ATXN7L1: variants seen among roughly 807,000 people sequenced by gnomAD.
ATXN7L1 encodes ataxin-7-like protein 1.
A neutral mutation model predicts 70.8 loss-of-function variants in ATXN7L1; 15 were observed. The ratio of observed to expected loss-of-function variants is 0.21; its 90% confidence interval spans 0.14 to 0.33. ATXN7L1 has a LOEUF of 0.33. ATXN7L1 is among the 10% of genes least tolerant of loss of function. The pLI, the probability that ATXN7L1 is intolerant of heterozygous loss-of-function variation, is 1.00. For synonymous variants in ATXN7L1, 440 were observed against 445.1 expected (o/e 0.99, Z 0.14); for missense variants, 975 against 1,097.1 (o/e 0.89, Z 1.57).
intron 3 of ATXN7L1, among the ~76,000 whole-genome samples, chr7:105,719,217 A>ATCC (rs1278543311): frequency 2.0e-5 from 3 of 152,114 alleles, no homozygotes; most frequent in African/African-American, 7.2e-5. Flanking sequence ...CTCAGCGCCC[A>ATCC]TCCCCCTTCT....
chr7:105,715,672 T>C (rs1295283818), intron 3 of ATXN7L1, among the ~76,000 whole-genome samples: 2 of 152,222 alleles, frequency 1.3e-5, no homozygotes, highest in African/African-American at 2.4e-5. Context: ...GAAATTCACA[T>C]TTAAGCAATG....
chr7:105,758,545 A>T (rs1800092671), intron 3 of ATXN7L1, among the ~76,000 whole-genome samples: 1 of 152,230 alleles, frequency 6.6e-6, no homozygotes, highest in Non-Finnish European at 1.5e-5. Flanking sequence ...CTCCTTTGGT[A>T]GCCAGTGGAG....
chr7:105,787,352 C>G (rs1256574832), intron 3 of ATXN7L1, among the ~76,000 whole-genome samples: 1 of 152,166 alleles, frequency 6.6e-6, no homozygotes, highest in Non-Finnish European at 1.5e-5. Context: ...TCTGACCAAA[C>G]CTCCTCCTAT....
chr7:105,730,112 G>A (rs1476113126), intron 3 of ATXN7L1, among the ~76,000 whole-genome samples: 1 of 152,144 alleles, frequency 6.6e-6, no homozygotes, highest in Non-Finnish European at 1.5e-5. Flanking sequence ...AGCAGGGCAG[G>A]AGAGGCTGTG....
At chr7:105,764,064 G>T (rs1169246912) in intron 3 of ATXN7L1, among the ~76,000 whole-genome samples, 1 of 151,946 alleles carries the variant, frequency 6.6e-6, no homozygotes. Flanking sequence ...ATGTTGGCCA[G>T]GCTGGTCTTG....
At chr7:105,871,450 G>T (rs1393327194) in intron 2 of ATXN7L1, among the ~76,000 whole-genome samples, 1 of 152,168 alleles carries the variant, frequency 6.6e-6, no homozygotes, top group African/African-American at 2.4e-5. Context: ...AGTGGCTCAT[G>T]CCTGTAATCC....
At chr7:105,710,850 C>T (rs761612696) in intron 3 of ATXN7L1, among the ~76,000 whole-genome samples, 4 of 152,058 alleles carry the variant, frequency 2.6e-5, no homozygotes, top group African/African-American at 4.8e-5. Context: ...AAGACATACC[C>T]GAGACTGGGC....
intron 3 of ATXN7L1, among the ~76,000 whole-genome samples, chr7:105,671,980 T>C (rs1803806686): frequency 6.6e-6 from 1 of 151,768 alleles, no homozygotes; most frequent in South Asian, 2.1e-4. Flanking sequence ...TAGCATTTCA[T>C]TCTTACAATA....
intron 7 of ATXN7L1, among the ~76,000 whole-genome samples, chr7:105,626,705 C>T (rs776628925): frequency 7.2e-5 from 11 of 152,142 alleles, no homozygotes; most frequent in Non-Finnish European, 1.2e-4. Flanking sequence ...ACACTATTGT[C>T]TGCTTACCGC....
intron 2 of ATXN7L1, among the ~76,000 whole-genome samples, chr7:105,832,223 C>G (rs888101311): frequency 1.3e-5 from 2 of 151,986 alleles, no homozygotes; most frequent in African/African-American, 4.8e-5. Flanking sequence ...CAGAAAAGAA[C>G]AGTGAAAAAT....
At chr7:105,812,893 T>C (rs1159508736) in intron 2 of ATXN7L1, among the ~76,000 whole-genome samples, 1 of 152,154 alleles carries the variant, frequency 6.6e-6, no homozygotes, top group African/African-American at 2.4e-5. Context: ...TCCTAGCTAC[T>C]TGGGAGGCTG....
intron 2 of ATXN7L1, among the ~76,000 whole-genome samples, chr7:105,871,156 C>T (rs941816999): frequency 1.4e-5 from 2 of 144,194 alleles, no homozygotes; most frequent in Non-Finnish European, 3.0e-5. Context: ...AAGGAAGGTA[C>T]ATTCAATAGA....
At chr7:105,617,925 C>A (rs907193025) in intron 9 of ATXN7L1, 1 of 456,640 alleles carries the variant, frequency 2.2e-6, no homozygotes, top group Non-Finnish European at 4.4e-6. Context: ...CCTCCAGGTT[C>A]GGGCCCGCCG....
At chr7:105,761,281 C>A in intron 3 of ATXN7L1, 1 of 1,580,596 alleles carries the variant, frequency 6.3e-7, no homozygotes. Context: ...CACTTCAGGG[C>A]TCTGCTGGAG....
chr7:105,860,136 T>TAC (rs1258954250), intron 2 of ATXN7L1, among the ~76,000 whole-genome samples: 2 of 84,434 alleles, frequency 2.4e-5, no homozygotes, highest in African/African-American at 9.7e-5. Flanking sequence ...TAAATATATA[T>TAC]ATATATATAT....
At chr7:105,701,303 GA>G (rs1051421817) in intron 3 of ATXN7L1, among the ~76,000 whole-genome samples, 19 of 152,072 alleles carry the variant, frequency 1.2e-4, no homozygotes, top group Admixed American at 7.9e-4. Context: ...AATTTTAGAT[GA>G]AAAAAAGCAT....
At chr7:105,821,842 A>G (rs1249506451) in intron 2 of ATXN7L1, among the ~76,000 whole-genome samples, 1 of 152,242 alleles carries the variant, frequency 6.6e-6, no homozygotes, top group Non-Finnish European at 1.5e-5. Context: ...TGCTCACAAC[A>G]CTTCCATTAA....
intron 3 of ATXN7L1, among the ~76,000 whole-genome samples, chr7:105,741,396 T>G (rs1376172689): frequency 8.5e-6 from 1 of 117,966 alleles, no homozygotes; most frequent in African/African-American, 3.1e-5. Context: ...CCAGGTCATA[T>G]CCTCTCCCTA....
chr7:105,630,361 C>T (rs865885128), intron 7 of ATXN7L1, among the ~76,000 whole-genome samples: 3 of 152,160 alleles, frequency 2.0e-5, no homozygotes, highest in South Asian at 2.1e-4. Flanking sequence ...ATACTTACGA[C>T]GATGACTTCC....
Sources: gnomAD v4.1 joint callset for allele counts (sites outside exome capture counted in the v4.1 genomes callset) on GRCh38, gnomAD v4.1.1 for gene constraint, MANE v1.5 for transcripts, NCBI Gene and HGNC (gene_info 2026-07-23, HGNC 2026-07-21) for gene names.